The following PHEX variants were observed in gnomAD, a reference collection of about 807,000 sequenced individuals.
The protein encoded by PHEX is phosphate-regulating neutral endopeptidase PHEX.
In PHEX, 16 loss-of-function variants were observed where a neutral mutation model predicts 68.0. The observed-to-expected ratio is 0.24, with a 90% CI of 0.16 to 0.36. PHEX has a LOEUF of 0.36. Among genes scored for constraint, PHEX ranks in the 10% least tolerant of loss-of-function variants. The pLI is 1.00. For synonymous variants in PHEX, 208 were observed against 205.1 expected (o/e 1.01, Z -0.12); for missense variants, 480 against 575.5 (o/e 0.83, Z 1.70).
intron 12 of PHEX, 101 bp from the exon 13 acceptor site, chrX:22,168,211 T>C (rs894163951): frequency 3.2e-6 from 2 of 631,835 alleles, no homozygotes; most frequent in African/African-American, 4.4e-5. Context: ...AGATATTCAG[T>C]AAATGGAGTT....
At chrX:22,103,829 G>A (rs1930541073) in intron 9 of PHEX, among the ~76,000 whole-genome samples, 1 of 112,183 alleles carries the variant, frequency 8.9e-6, no homozygotes, top group Admixed American at 9.4e-5. Flanking sequence ...ACCCAGTAGT[G>A]GTATTGCTGG....
intron 20 of PHEX, among the ~76,000 whole-genome samples, chrX:22,235,878 T>TTTA (rs1386500711): frequency 9.0e-6 from 1 of 111,332 alleles, no homozygotes; most frequent in Non-Finnish European, 1.9e-5. Context: ...GAATACCACT[T>TTTA]TTATTTCATT....
At chrX:22,185,181 T>C (rs1049343421) in intron 14 of PHEX, among the ~76,000 whole-genome samples, 6 of 112,201 alleles carry the variant, frequency 5.3e-5, no homozygotes, top group Non-Finnish European at 1.1e-4. Flanking sequence ...CTCCTTACCT[T>C]ATCCACCAAA....
chrX:22,055,278 A>G (rs1397269466), intron 3 of PHEX, among the ~76,000 whole-genome samples: 2 of 106,947 alleles, frequency 1.9e-5, no homozygotes, highest in Non-Finnish European at 3.9e-5. Context: ...GTTTGAAGCA[A>G]TGGATATCCC....
chrX:22,126,864 G>GTTTTTTTTT (rs35691469), intron 11 of PHEX, among the ~76,000 whole-genome samples: 2 of 54,598 alleles, frequency 3.7e-5, no homozygotes, highest in Non-Finnish European at 6.3e-5. Flanking sequence ...TGAAATAGTT[G>GTTTTTTTTT]TTTTTTTTTT....
intron 9 of PHEX, among the ~76,000 whole-genome samples, chrX:22,100,598 G>A (rs1237335021): frequency 9.0e-6 from 1 of 111,317 alleles, no homozygotes. Flanking sequence ...TCTGAACACT[G>A]ATTGATTTTA....
intron 14 of PHEX, among the ~76,000 whole-genome samples, chrX:22,182,717 T>A (rs1018519145): frequency 9.1e-6 from 1 of 110,471 alleles, no homozygotes; most frequent in Non-Finnish European, 1.9e-5. Flanking sequence ...TTGGCCATTT[T>A]TATCTGACAA....
intron 13 of PHEX, chrX:22,172,331 A>T (rs1201863042): frequency 2.7e-5 from 3 of 112,262 alleles, no homozygotes; most frequent in Non-Finnish European, 5.6e-5. Flanking sequence ...CCAGGAAAGC[A>T]AAAAGCACAC....
intron 13 of PHEX, among the ~76,000 whole-genome samples, chrX:22,175,333 T>C (rs1230641530): frequency 9.2e-6 from 1 of 109,155 alleles, no homozygotes; most frequent in Non-Finnish European, 1.9e-5. Context: ...TTGGGACCCT[T>C]TTCTTCTTTA....
At chrX:22,209,709 TTCCCTCTGCTCCCTCTGCTCCCTCTGC>T (rs201089683) in intron 15 of PHEX, among the ~76,000 whole-genome samples, 9 of 70,322 alleles carry the variant, frequency 1.3e-4, no homozygotes. Context: ...TCTCCCTCTC[TTCCCTCTGCTCCCTCTGCTCCCTCTGC>T]TCCCTCTGCT....
At chrX:22,083,157 T>C (rs1035441654) in intron 5 of PHEX, among the ~76,000 whole-genome samples, 11 of 111,989 alleles carry the variant, frequency 9.8e-5, no homozygotes, top group African/African-American at 3.6e-4. Flanking sequence ...ACTGGACCCA[T>C]CCCTTTTATC....
At chrX:22,052,550 T>C (rs1235469587) in intron 3 of PHEX, among the ~76,000 whole-genome samples, 4 of 111,998 alleles carry the variant, frequency 3.6e-5, no homozygotes, top group Non-Finnish European at 7.5e-5. Flanking sequence ...ATTTACTTAA[T>C]CAATGCCTGT....
At chrX:22,044,353 C>A (rs893829516) in intron 2 of PHEX, among the ~76,000 whole-genome samples, 2 of 111,184 alleles carry the variant, frequency 1.8e-5, no homozygotes, top group East Asian at 5.6e-4. Flanking sequence ...ACTATAAATA[C>A]CAACCAAAAG....
chrX:22,062,771 T>G (rs1474430748), intron 3 of PHEX, among the ~76,000 whole-genome samples: 1 of 110,919 alleles, frequency 9.0e-6, no homozygotes, highest in African/African-American at 3.3e-5. Context: ...TTTGTTTGCT[T>G]GTTTTTTGAG....
chrX:22,035,812 A>G (rs1926978621), intron 1 of PHEX, among the ~76,000 whole-genome samples: 1 of 109,963 alleles, frequency 9.1e-6, no homozygotes, highest in Admixed American at 9.8e-5. Context: ...TAACCATTCA[A>G]AAGTAACATC....
At chrX:22,043,023 A>G (rs942195814) in intron 2 of PHEX, among the ~76,000 whole-genome samples, 3 of 112,288 alleles carry the variant, frequency 2.7e-5, no homozygotes, top group Non-Finnish European at 5.6e-5. Context: ...AAGAATATGC[A>G]TATGTTTCCC....
chrX:22,176,846 T>C (rs184006813), intron 13 of PHEX, among the ~76,000 whole-genome samples: 1 of 111,663 alleles, frequency 9.0e-6, no homozygotes, highest in East Asian at 2.8e-4. Flanking sequence ...TACAGAACAA[T>C]CATGTAAACT....
chrX:22,183,171 A>T (rs1933932674), intron 14 of PHEX, among the ~76,000 whole-genome samples: 1 of 107,419 alleles, frequency 9.3e-6, no homozygotes, highest in African/African-American at 3.4e-5. Context: ...GTCTTTTGCT[A>T]CTCTCCCTTT....
intron 3 of PHEX, among the ~76,000 whole-genome samples, chrX:22,070,508 C>T (rs1020741432): frequency 1.7e-4 from 19 of 111,383 alleles, no homozygotes; most frequent in Non-Finnish European, 3.4e-4. Flanking sequence ...AGCGAGACCC[C>T]ATCTCTACAA....
Sources: allele counts gnomAD v4.1 joint callset (sites outside exome capture counted in the v4.1 genomes callset), GRCh38; gene constraint gnomAD v4.1.1; transcripts MANE v1.5; gene names NCBI Gene and HGNC (gene_info 2026-07-23, HGNC 2026-07-21).